Variants in LRRK1 observed in about 807,000 individuals in gnomAD.
LRRK1 encodes leucine-rich repeat serine/threonine-protein kinase 1.
Under a neutral mutation model 209.1 loss-of-function variants are expected in LRRK1, and 113 were observed. The ratio of observed to expected loss-of-function variants is 0.54; its 90% CI spans 0.46 to 0.63. The LOEUF (loss-of-function observed/expected upper bound fraction) is 0.63, where lower values mean the gene tolerates loss of function less well. LRRK1 is among the 30% of genes least tolerant of loss of function. The probability of loss-of-function intolerance (pLI) is 0.00; values close to 1 mark genes in which losing one functional copy is unlikely to be tolerated. For synonymous variants in LRRK1, 1,144 were observed against 1,099.7 expected, an observed-to-expected ratio of 1.04 and a Z score of -0.80; for missense variants, 2,284 against 2,632.2, an observed-to-expected ratio of 0.87 and a Z score of 2.89.
At chr15:100,997,624 A>T (rs1156297119) in intron 6 of LRRK1, among the ~76,000 whole-genome samples, 1 of 152,224 alleles carries the variant, frequency 6.6e-6, no homozygotes, top group Non-Finnish European at 1.5e-5. Flanking sequence ...ATACACAATG[A>T]GTAAGACATT....
Position 100,981,829 on chromosome 15 carries a change from G to A in LRRK1, c.262-1699G>A, listed in dbSNP as rs1207951699. On this transcript the variant is annotated intron_variant, in intron 3 of 33. Transcript: ENST00000388948. The stretch of plus-strand genomic sequence containing the variant: ...TTGATAAATGTTCACTCCCTTTCCT[G>A]GGGGCTCCATTTTACCCATTCCTGC... Among the ~76,000 whole-genome samples, 11 of 152,222 alleles carry A rather than the reference G, an allele frequency of 7.2e-5. 1 individual carries two copies. In the East Asian group the frequency reaches 1.2e-3, roughly 16 times the overall value.
chr15:101,060,211 A>C (rs576314555), intron 29 of LRRK1, among the ~76,000 whole-genome samples: 2 of 152,306 alleles, frequency 1.3e-5, no homozygotes, highest in South Asian at 4.1e-4. Context: ...TCTGAGAATT[A>C]AGGAAGGAAA....
Position 101,048,505 on chromosome 15 carries a change from C to G in LRRK1, c.3147C>G (p.Asn1049Lys). The G allele has an allele frequency of 6.3e-7, 1 of 1,599,594 alleles. No individual in the cohort carries two copies. Among genetic ancestry groups the G allele is most frequent in the East Asian group, 2.3e-5 (1 of 44,046 alleles). The change falls in exon 22 of 34, where the codon AAC becomes AAG. Residue 1049 changes from asparagine (N) to lysine (K), a missense_variant. Asn to Lys is a moderately conservative substitution (Grantham distance 94). Coordinates refer to ENST00000388948, the MANE Select transcript of LRRK1 (RefSeq NM_024652.6). The part of the protein sequence containing the change: ...LAEMDLQLFE[N>K]KKNTKSRNRK... Reference sequence around the variant, plus strand: ...TCTCTGTCTTTCAGCTTTTTGAAAACAAGAAGAATACTAAAAGCAGGAACA... The same window carrying G: ...TCTCTGTCTTTCAGCTTTTTGAAAAGAAGAAGAATACTAAAAGCAGGAACA...
chr15:100,943,887 A>T (rs778091613), intron 2 of LRRK1, among the ~76,000 whole-genome samples: 14 of 152,108 alleles, frequency 9.2e-5, no homozygotes, highest in Non-Finnish European at 1.8e-4. Context: ...CATGTTAGTC[A>T]GGCTGGTCTC....
Position 100,943,960 on chromosome 15 carries a change from G to T in LRRK1, c.97+19231G>T, listed in dbSNP as rs530227389. Among the ~76,000 whole-genome samples the T allele has an allele frequency of 2.6e-5, 4 of 152,204 alleles. No homozygotes were observed. In the South Asian group the frequency reaches 8.3e-4, roughly 32 times the overall value. On this transcript the variant is annotated intron_variant, in intron 2 of 33. Coordinates refer to ENST00000388948, the MANE Select transcript of LRRK1 (RefSeq NM_024652.6). ...CCCAAAGTGCTGGGATTACAGGTGT[G>T]AGCCACCACACCCGGTCGTGATCCC...
intron 2 of LRRK1, among the ~76,000 whole-genome samples, chr15:100,960,010 T>A (rs995238627): frequency 6.6e-6 from 1 of 152,216 alleles, no homozygotes; most frequent in Admixed American, 6.5e-5. Flanking sequence ...TTAGCAAATG[T>A]ACTTTGTCAA....
chr15:101,001,684 A>G (rs2032699495), intron 6 of LRRK1, among the ~76,000 whole-genome samples: 1 of 152,064 alleles, frequency 6.6e-6, no homozygotes, highest in South Asian at 2.1e-4. Context: ...ATTTCCCCCC[A>G]TTGTAACGTG....
Position 101,051,717 on chromosome 15 carries a change from C to T in LRRK1, c.3446C>T (p.Thr1149Ile). Residue 1149 changes from threonine to isoleucine, a missense_variant, in exon 24 of 34, where the codon ACA becomes ATA. Around this residue, in one of 6 missense-constraint regions of LRRK1, gnomAD observed 780 missense variants for 985.2 expected, o/e 0.79. Transcript: ENST00000388948. ...SLIDQWFPAL[T>I]ATESDGTPLM... ...CTGCTCTGTCCTTATTTAGCCCTGA[C>T]AGCCACAGAGAGCGACGGGACGCCA... 6.2e-7 allele frequency: 1 copy of T among 1,613,644 alleles called. No individual in the cohort carries two copies. The highest frequency in any genetic ancestry group is 8.5e-7 in the Non-Finnish European group (1 of 1,179,912).
intron 3 of LRRK1, among the ~76,000 whole-genome samples, chr15:100,981,990 C>G (rs1338643919): frequency 2.0e-5 from 3 of 152,244 alleles, no homozygotes. Flanking sequence ...AGAAATGGCC[C>G]CTGGCATCCT....
chr15:100,994,476 G>A (rs2032307746), intron 6 of LRRK1, among the ~76,000 whole-genome samples: 1 of 152,202 alleles, frequency 6.6e-6, no homozygotes, highest in African/African-American at 2.4e-5. Flanking sequence ...TTTTCTTGGT[G>A]TAAGGGTAAA....
chr15:101,035,573 A>G (rs891858458), intron 20 of LRRK1, among the ~76,000 whole-genome samples: 23 of 152,142 alleles, frequency 1.5e-4, no homozygotes, highest in African/African-American at 5.1e-4. Context: ...TTGGTAGCAT[A>G]TAATTGAATC....
chr15:101,041,603 A>G (rs1348046112), intron 20 of LRRK1, among the ~76,000 whole-genome samples: 2 of 152,156 alleles, frequency 1.3e-5, no homozygotes, highest in East Asian at 3.8e-4. Flanking sequence ...TTAATATTAT[A>G]CCACCTTGAA....
chr15:100,982,051 T>TG (rs1259716912), intron 3 of LRRK1, among the ~76,000 whole-genome samples: 1 of 151,230 alleles, frequency 6.6e-6, no homozygotes, highest in South Asian at 2.1e-4. Flanking sequence ...TAGGTGTTGA[T>TG]GGGGGCACTC....
chr15:101,013,253 G>C (rs1158316885), intron 10 of LRRK1, among the ~76,000 whole-genome samples: 1 of 152,208 alleles, frequency 6.6e-6, no homozygotes, highest in Non-Finnish European at 1.5e-5. Context: ...GGTTCTGATG[G>C]TGGGCGGTGG....
chr15:100,950,585 T>C, intron 2 of LRRK1, among the ~76,000 whole-genome samples: 1 of 152,194 alleles, frequency 6.6e-6, no homozygotes, highest in Non-Finnish European at 1.5e-5. Flanking sequence ...GATTAGGCAA[T>C]AGTTTCTCAG....
intron 4 of LRRK1, 31 bp downstream of exon 4, chr15:100,983,730 G>A (rs754502040): frequency 1.3e-6 from 2 of 1,599,030 alleles, no homozygotes; most frequent in African/African-American, 2.7e-5. Flanking sequence ...TCTTAACCGT[G>A]TCTCAGGGCA....
At chr15:100,947,022 T>G (rs1489233328) in intron 2 of LRRK1, among the ~76,000 whole-genome samples, 2 of 152,040 alleles carry the variant, frequency 1.3e-5, no homozygotes, top group African/African-American at 2.4e-5. Context: ...CAGGCTGGAG[T>G]GCAGTGTCAC....
At chr15:100,994,739 T>G (rs935782458) in intron 6 of LRRK1, among the ~76,000 whole-genome samples, 15 of 152,156 alleles carry the variant, frequency 9.9e-5, no homozygotes, top group African/African-American at 3.6e-4. Flanking sequence ...TTTTTAGCAT[T>G]CAAGTGAATT....
At chr15:100,938,549 C>T (rs2042344520) in intron 2 of LRRK1, among the ~76,000 whole-genome samples, 1 of 152,068 alleles carries the variant, frequency 6.6e-6, no homozygotes, top group Non-Finnish European at 1.5e-5. Flanking sequence ...ATGCAGGTAA[C>T]CCACCTTCTG....
Sources: allele counts gnomAD v4.1 joint callset (sites outside exome capture counted in the v4.1 genomes callset), GRCh38; gene constraint gnomAD v4.1.1; regional missense constraint gnomAD v4.1.1; transcripts MANE v1.5; gene names NCBI Gene and HGNC (gene_info 2026-07-23, HGNC 2026-07-21).